The following HIVEP1 variants were observed in gnomAD, a reference collection of about 807,000 sequenced individuals.
The protein encoded by HIVEP1 is zinc finger protein 40.
Under a neutral mutation model 180.0 loss-of-function variants are expected in HIVEP1, and 36 were observed. The observed-to-expected ratio is 0.20, with a 90% CI of 0.15 to 0.26. The LOEUF (loss-of-function observed/expected upper bound fraction) is 0.26. Among genes scored for constraint, HIVEP1 ranks in the 10% least tolerant of loss-of-function variants. The pLI, the probability that HIVEP1 is intolerant of heterozygous loss-of-function variation, is 1.00. For missense variants in HIVEP1, 3,143 were observed against 3,268.7 expected (o/e 0.96, Z 0.94); for synonymous variants, 1,239 against 1,239.0 (o/e 1.00, Z 0.00).
chr6:12,043,821 T>C (rs9470843), intron 2 of HIVEP1, among the ~76,000 whole-genome samples: 34,360 of 152,172 alleles, frequency 0.23, 4,009 homozygotes, highest in Middle Eastern at 0.3. Context: ...CTGTAATTTA[T>C]GTCTAGAGAC....
In HIVEP1 at chr6:12,164,555, A is replaced by G; in HGVS notation, c.*94A>G. ...CTTAAAGCACATTTTTCTGACATAA[A>G]CTCATGACTAATCTTTGTGCAATCA... On this transcript the variant is annotated 3_prime_UTR_variant, in exon 9 of 9. Transcript: ENST00000379388. The G allele has an allele frequency of 1.1e-6, 1 of 923,216 alleles. No individual in the cohort carries two copies. The highest frequency in any genetic ancestry group is 1.6e-6 in the Non-Finnish European group (1 of 631,170). The allele number at this position is 923,216 out of a possible 1,614,324, so 57.2% of individuals were successfully genotyped here.
At position 12,121,194 on chromosome 6, in the gene HIVEP1, C is replaced by G; in HGVS notation, c.1399C>G (p.Gln467Glu). Residue 467 changes from glutamine (Q) to glutamate (E), a missense_variant, in exon 4 of 9, where the codon CAA (glutamine) becomes GAA (glutamate). Gln to Glu is a conservative substitution (Grantham distance 29, BLOSUM62 2). Around this residue, in one of 12 missense-constraint regions of HIVEP1, gnomAD observed 365 missense variants for 344.4 expected, o/e 1.06. Transcript: ENST00000379388. The surrounding 1 kb of genome is among the most constrained non-coding windows in gnomAD (Gnocchi z 5.3). ...AHTIKLGLVLQPDAGGLFLSH... is the reference protein window; with the variant it reads ...AHTIKLGLVLEPDAGGLFLSH... ...TACTATCAAACTGGGTCTTGTCTTG[C>G]AACCAGATGCTGGTGGCTTGTTCTT... 6.2e-7 allele frequency: 1 copy of G among 1,614,112 alleles called. No individual in the cohort carries two copies. Among genetic ancestry groups the G allele is most frequent in the Non-Finnish European group, 8.5e-7 (1 of 1,180,016 alleles).
chr6:12,017,860 T>A (rs1767920723), intron 2 of HIVEP1, among the ~76,000 whole-genome samples: 1 of 152,246 alleles, frequency 6.6e-6, no homozygotes, highest in Admixed American at 6.5e-5. Flanking sequence ...GGAGCCCAGC[T>A]GGCTTCACCC....
At chr6:12,017,322 C>T (rs1767855069) in intron 2 of HIVEP1, among the ~76,000 whole-genome samples, 1 of 152,162 alleles carries the variant, frequency 6.6e-6, no homozygotes, top group Admixed American at 6.5e-5. Context: ...AGCGTGTCCA[C>T]AGGTTGTTCC....
At chr6:12,195,506 A>G in the HIVEP1 span, among the ~76,000 whole-genome samples, 4 of 152,262 alleles carry the variant, frequency 2.6e-5, no homozygotes, top group Admixed American at 2.6e-4. Flanking sequence ...CCAATATGCC[A>G]GGATTCCTCT....
Position 12,125,731 on chromosome 6 carries a change from G to T in HIVEP1, c.5936G>T (p.Gly1979Val). The stretch of plus-strand genomic sequence containing the variant: ...AGCGCCAGTAATCCAAATCCACTCG[G>T]TTTGCCCACAAAAGTTGCACTTGCT... ...TVSASNPNPL[G>V]LPTKVALALL... The change falls in exon 4 of 9, where the codon GGT (glycine) becomes GTT (valine). Residue 1979 changes from glycine (G) to valine (V), a missense_variant. Gly to Val is a moderately radical substitution (Grantham distance 109). Transcript: ENST00000379388. The T allele has an allele frequency of 6.2e-7, 1 of 1,614,110 alleles. No individual in the cohort carries two copies. The highest frequency in any genetic ancestry group is 8.5e-7 in the Non-Finnish European group (1 of 1,180,016).
intron 3 of HIVEP1, among the ~76,000 whole-genome samples, chr6:12,094,003 A>C (rs1773642838): frequency 6.6e-6 from 1 of 152,170 alleles, no homozygotes; most frequent in Non-Finnish European, 1.5e-5. Flanking sequence ...CAGGCCTTCT[A>C]TTCAAAAAAG....
downstream of HIVEP1, among the ~76,000 whole-genome samples, chr6:12,169,399 C>T (rs2113710531): frequency 6.6e-6 from 1 of 152,222 alleles, no homozygotes; most frequent in South Asian, 2.1e-4. Context: ...TTATCTGCTC[C>T]TAGGTGTTCA....
At chr6:12,059,078 A>G (rs1476089070) in intron 2 of HIVEP1, among the ~76,000 whole-genome samples, 1 of 152,086 alleles carries the variant, frequency 6.6e-6, no homozygotes, top group African/African-American at 2.4e-5. Flanking sequence ...TAGCCTCCCA[A>G]ATAGCTGAAC....
chr6:12,130,956 A>G lies in HIVEP1; in HGVS notation c.6385+14A>G, dbSNP rs1758384648. The G allele has an allele frequency of 1.9e-6, 3 of 1,576,674 alleles. No homozygotes were observed. The highest frequency in any genetic ancestry group is 1.7e-5 in the Admixed American group (1 of 57,286). On this transcript the variant is annotated intron_variant, in intron 6 of 8. Transcript: ENST00000379388. ...TTAAGACTAAAGGTATGAGATGCAC[A>G]TTGCTTCAAGGTCCTTTTAATATGT...
At chr6:12,110,909 TC>T in intron 3 of HIVEP1, among the ~76,000 whole-genome samples, 1 of 152,310 alleles carries the variant, frequency 6.6e-6, no homozygotes, top group South Asian at 2.1e-4. Flanking sequence ...ATGCAACTCT[TC>T]CTTTCACTTG....
intron 7 of HIVEP1, among the ~76,000 whole-genome samples, chr6:12,152,380 T>C (rs933972439): frequency 3.3e-5 from 5 of 152,086 alleles, no homozygotes; most frequent in African/African-American, 1.2e-4. Flanking sequence ...AGTACGACTT[T>C]TGATTCAGCA....
intron 3 of HIVEP1, among the ~76,000 whole-genome samples, chr6:12,111,417 G>A (rs969617148): frequency 1.3e-5 from 2 of 152,262 alleles, no homozygotes; most frequent in Admixed American, 1.3e-4. Context: ...TTGTGGTTCT[G>A]TAGGTCAGAA....
chr6:12,092,870 C>T (rs1006137290), intron 3 of HIVEP1, among the ~76,000 whole-genome samples: 6 of 152,068 alleles, frequency 3.9e-5, no homozygotes, highest in East Asian at 1.9e-4. Context: ...AGAGCTCTGC[C>T]GAGCAGTGTG....
intron 6 of HIVEP1, among the ~76,000 whole-genome samples, chr6:12,133,364 A>G (rs1388639945): frequency 6.6e-6 from 1 of 152,226 alleles, no homozygotes; most frequent in Non-Finnish European, 1.5e-5. Context: ...TCAAGAAACA[A>G]AACCTCTCAT....
intron 3 of HIVEP1, among the ~76,000 whole-genome samples, chr6:12,106,922 T>G (rs1774465864): frequency 6.6e-6 from 1 of 152,244 alleles, no homozygotes; most frequent in African/African-American, 2.4e-5. Flanking sequence ...GACTTTCTGT[T>G]TGACCCCTGG....
chr6:12,126,175 T>A (rs546351935), intron 4 of HIVEP1, among the ~76,000 whole-genome samples: 1 of 152,264 alleles, frequency 6.6e-6, no homozygotes, highest in African/African-American at 2.4e-5. Context: ...GGTTTTACTT[T>A]GATGTTTTAC....
At chr6:12,199,409 T>C in the HIVEP1 span, among the ~76,000 whole-genome samples, 1 of 135,306 alleles carries the variant, frequency 7.4e-6, no homozygotes, top group Non-Finnish European at 1.5e-5. Context: ...CTGCCCAGGC[T>C]GGAGGACAAT....
intron 2 of HIVEP1, among the ~76,000 whole-genome samples, chr6:12,064,033 T>C (rs775444532): frequency 6.6e-6 from 1 of 152,224 alleles, no homozygotes; most frequent in Non-Finnish European, 1.5e-5. Context: ...TAATATTCCC[T>C]CTTCCTGGAT....
Sources: allele counts gnomAD v4.1 joint callset (sites outside exome capture counted in the v4.1 genomes callset), GRCh38; gene constraint gnomAD v4.1.1; regional missense constraint gnomAD v4.1.1; non-coding constraint Gnocchi (gnomAD v3.1); transcripts MANE v1.5; gene names NCBI Gene and HGNC (gene_info 2026-07-23, HGNC 2026-07-21).